The following CECR2 variants were observed in gnomAD, a reference collection of about 807,000 sequenced individuals.
CECR2 encodes the protein CECR2 histone acetyl-lysine reader.
CECR2 carries 30 observed loss-of-function variants against 154.5 expected under a neutral mutation model. That is an observed-to-expected ratio of 0.19 (90% CI 0.15 to 0.26). The LOEUF (loss-of-function observed/expected upper bound fraction) is 0.26, where lower values mean the gene tolerates loss of function less well. CECR2 is among the 10% of genes least tolerant of loss of function. The pLI is 1.00. For synonymous variants in CECR2, 725 were observed against 683.7 expected (o/e 1.06, Z -0.94); for missense variants, 1,743 against 1,829.3 (o/e 0.95, Z 0.86).
chr22:17,532,019 A>G (rs2056362894), intron 9 of CECR2, among the ~76,000 whole-genome samples: 1 of 151,938 alleles, frequency 6.6e-6, no homozygotes, highest in Admixed American at 6.6e-5. Flanking sequence ...AAATCTTAAA[A>G]ATTAGCCAGA....
chr22:17,457,778 A>G (rs762278607), intron 1 of CECR2, among the ~76,000 whole-genome samples: 1 of 152,348 alleles, frequency 6.6e-6, no homozygotes, highest in South Asian at 2.1e-4. Flanking sequence ...TGAATGCTTA[A>G]CAAAAGCATG....
intron 2 of CECR2, among the ~76,000 whole-genome samples, chr22:17,496,150 G>A (rs1422801933): frequency 6.6e-6 from 1 of 152,136 alleles, no homozygotes; most frequent in Non-Finnish European, 1.5e-5. Context: ...AGGATTGCTT[G>A]AGCCCTGGAG....
In CECR2 at chr22:17,549,441, A is replaced by G. The variant is rs1445005578; in HGVS notation, c.4154A>G (p.Gln1385Arg). ...PGATQPNGLS[Q>R]EGPIYRCQEE... is the part of the protein sequence containing the mutation. ...GCCACCCAGCCCAACGGCCTCTCTCAGGAGGGTCCCATCTATCGCTGCCAG... is the reference window on the plus strand; with the variant it reads ...GCCACCCAGCCCAACGGCCTCTCTCGGGAGGGTCCCATCTATCGCTGCCAG... Residue 1385 changes from glutamine (Q) to arginine (R), a missense_variant, in exon 17 of 19, where the codon CAG becomes CGG. By Grantham distance (43) the Gln-to-Arg change is conservative. This residue lies in a region of CECR2 where 1,250 missense variants were observed against 1,192.1 expected (regional missense o/e 1.05). Coordinates refer to ENST00000262608, the MANE Select transcript of CECR2 (RefSeq NM_001290047.2). The G allele has an allele frequency of 1.2e-6, 2 of 1,612,822 alleles. No homozygotes were observed. Among genetic ancestry groups the G allele is most frequent in the East Asian group, 2.2e-5 (1 of 44,878 alleles).
rs377545671 is a variant in CECR2 at position 17,542,601 on chromosome 22, C to G, written c.2458C>G (p.Pro820Ala). 5 of 1,613,878 alleles carry G rather than the reference C, an allele frequency of 3.1e-6. No individual in the cohort carries two copies. The highest frequency in any genetic ancestry group is 2.2e-5 in the East Asian group (1 of 44,886). ...DSRVMRPPVP[P>A]NQWTEQSGFL... ...CCGAGTCATGAGACCACCTGTCCCCCCCAACCAGTGGACTGAACAATCAGG... is the reference window on the plus strand; with the variant it reads ...CCGAGTCATGAGACCACCTGTCCCCGCCAACCAGTGGACTGAACAATCAGG... The change falls in exon 16 of 19, where the codon CCC becomes GCC. Residue 820 changes from proline (P) to alanine (A), a missense_variant. By Grantham distance (27) the Pro-to-Ala change is conservative. Coordinates refer to ENST00000262608, the MANE Select transcript of CECR2 (RefSeq NM_001290047.2).
chr22:17,540,842 G>T, intron 14 of CECR2, 42 bp downstream of exon 14: 1 of 1,499,700 alleles, frequency 6.7e-7, no homozygotes. Flanking sequence ...CTCCTAGTTT[G>T]TGAGTTCATA....
chr22:17,447,372 C>A (rs1338019540), intron 1 of CECR2, among the ~76,000 whole-genome samples: 1 of 151,906 alleles, frequency 6.6e-6, no homozygotes, highest in Non-Finnish European at 1.5e-5. Flanking sequence ...CCAGGATGGT[C>A]TCGATATCCT....
At chr22:17,511,709 C>A in intron 7 of CECR2, 104 bp from the exon 8 acceptor site, 17 of 839,304 alleles carry the variant, frequency 2.0e-5, no homozygotes, top group South Asian at 5.5e-5. Context: ...AACCTGTGTG[C>A]CTCATTGGCC....
At chr22:17,397,191 C>T (rs1246105034) in intron 1 of CECR2, among the ~76,000 whole-genome samples, 2 of 151,890 alleles carry the variant, frequency 1.3e-5, no homozygotes. Context: ...GGCTGGGTTG[C>T]AGTGGCGTGA....
At chr22:17,549,743 CTG>C (rs1192420970) in intron 17 of CECR2, among the ~76,000 whole-genome samples, 179 bp downstream of exon 17, 1 of 149,382 alleles carries the variant, frequency 6.7e-6, no homozygotes, top group Non-Finnish European at 1.5e-5. Context: ...GTTTAAGTAA[CTG>C]GGACTACACA....
chr22:17,373,132 G>C (rs1262086027), intron 1 of CECR2, among the ~76,000 whole-genome samples: 1 of 152,116 alleles, frequency 6.6e-6, no homozygotes, highest in East Asian at 1.9e-4. Context: ...GCGCGACCTC[G>C]GCTCACTGCA....
chr22:17,404,201 G>A (rs139906431), intron 1 of CECR2, among the ~76,000 whole-genome samples: 87 of 147,658 alleles, frequency 5.9e-4, no homozygotes, highest in African/African-American at 2.0e-3. Flanking sequence ...GGAGGTTGCA[G>A]TGAGCCGAGA....
intron 1 of CECR2, among the ~76,000 whole-genome samples, chr22:17,388,717 C>T (rs2063293406): frequency 6.6e-6 from 1 of 152,184 alleles, no homozygotes; most frequent in African/African-American, 2.4e-5. Context: ...GCTTAAATTA[C>T]TTACAAAATA....
At chr22:17,421,349 C>T (rs936154822) in intron 1 of CECR2, among the ~76,000 whole-genome samples, 1 of 152,002 alleles carries the variant, frequency 6.6e-6, no homozygotes, top group Non-Finnish European at 1.5e-5. Flanking sequence ...GGCGCGGTGG[C>T]TCATGCCTGT....
intron 17 of CECR2, among the ~76,000 whole-genome samples, chr22:17,551,060 AT>A (rs2056701225): frequency 6.6e-6 from 1 of 152,040 alleles, no homozygotes; most frequent in Admixed American, 6.5e-5. Context: ...ACTATTTAAC[AT>A]TTTGTCGTGT....
chr22:17,551,337 T>C (rs71328217), intron 17 of CECR2, among the ~76,000 whole-genome samples: 1 of 152,216 alleles, frequency 6.6e-6, no homozygotes, highest in Non-Finnish European at 1.5e-5. Context: ...ATTTTTATTG[T>C]TTTTTTCTGA....
chr22:17,542,007 C>G, intron 15 of CECR2, 40 bp downstream of exon 15: 1 of 1,593,946 alleles, frequency 6.3e-7, no homozygotes, highest in Non-Finnish European at 8.5e-7. Flanking sequence ...CAGGGGGTCC[C>G]ACAGGTACGT....
intron 1 of CECR2, among the ~76,000 whole-genome samples, chr22:17,453,103 A>G (rs900452814): frequency 6.6e-6 from 1 of 152,184 alleles, no homozygotes; most frequent in African/African-American, 2.4e-5. Flanking sequence ...ATATACCATA[A>G]TTTTACCTAT....
intron 2 of CECR2, among the ~76,000 whole-genome samples, chr22:17,487,887 TA>T (rs2055451702): frequency 1.3e-5 from 2 of 151,848 alleles, no homozygotes; most frequent in African/African-American, 4.8e-5. Flanking sequence ...TTTATTTATT[TA>T]TTTATTTATT....
chr22:17,378,801 A>T (rs1407908711), intron 1 of CECR2, among the ~76,000 whole-genome samples: 1 of 152,174 alleles, frequency 6.6e-6, no homozygotes, highest in Non-Finnish European at 1.5e-5. Flanking sequence ...TGTGAGATAG[A>T]TGAGTTTTTC....
Sources: gnomAD v4.1 joint callset for allele counts (sites outside exome capture counted in the v4.1 genomes callset) on GRCh38, gnomAD v4.1.1 for gene constraint, gnomAD v4.1.1 regional missense constraint, MANE v1.5 for transcripts, NCBI Gene and HGNC (gene_info 2026-07-23, HGNC 2026-07-21) for gene names.